NALF1: variants seen among roughly 807,000 people sequenced by gnomAD.
NALF1 encodes family with sequence similarity 155 member A.
In NALF1, 3 loss-of-function variants were observed where a neutral mutation model predicts 48.4. The observed-to-expected ratio is 0.06, with a 90% CI of 0.03 to 0.16. NALF1 has a LOEUF of 0.16. NALF1 is among the 10% of genes least tolerant of loss of function. The pLI is 1.00. For missense variants in NALF1, 526 were observed against 571.5 expected (o/e 0.92, Z 0.81); for synonymous variants, 262 against 245.7 (o/e 1.07, Z -0.62).
intron 1 of NALF1, among the ~76,000 whole-genome samples, chr13:107,405,431 C>T (rs1446398235): frequency 6.6e-6 from 1 of 151,974 alleles, no homozygotes; most frequent in Non-Finnish European, 1.5e-5. Flanking sequence ...AAGTCTAGTG[C>T]CTTGAAGTGG....
chr13:107,356,372 C>G (rs1262156154), intron 1 of NALF1, among the ~76,000 whole-genome samples: 2 of 151,982 alleles, frequency 1.3e-5, no homozygotes, highest in Non-Finnish European at 2.9e-5. Flanking sequence ...ATGTATATAA[C>G]AAAAGAGAAA....
chr13:107,764,122 T>C (rs1467243151), intron 1 of NALF1, among the ~76,000 whole-genome samples: 3 of 152,148 alleles, frequency 2.0e-5, no homozygotes. Context: ...GAAAACATTA[T>C]GGAAACTGGG....
At position 107,349,151 on chromosome 13, in the gene NALF1, A is replaced by G. The variant is rs78381843; in HGVS notation, c.916-138396T>C. Among the ~76,000 whole-genome samples, 514 of 152,326 alleles carry G rather than the reference A, an allele frequency of 3.4e-3. 2 individuals are homozygous for G. Among genetic ancestry groups the G allele is most frequent in the African/African-American group, 0.012 (497 of 41,570 alleles). On this transcript the variant is annotated intron_variant, in intron 1 of 2. Transcript: ENST00000375915. ...TCCTGGGGACATTCTCATTAGCCTGATTCTATCTTACATTTTCTAGCCTGT... is the reference window on the plus strand; with the variant it reads ...TCCTGGGGACATTCTCATTAGCCTGGTTCTATCTTACATTTTCTAGCCTGT...
At chr13:107,430,067 T>C (rs1265528450) in intron 1 of NALF1, among the ~76,000 whole-genome samples, 1 of 152,172 alleles carries the variant, frequency 6.6e-6, no homozygotes, top group African/African-American at 2.4e-5. Flanking sequence ...AAGAGAGATA[T>C]CCATTTCTGC....
At chr13:107,834,964 T>G (rs1369784918) in intron 1 of NALF1, among the ~76,000 whole-genome samples, 12 of 152,162 alleles carry the variant, frequency 7.9e-5, no homozygotes, top group Admixed American at 7.2e-4. Flanking sequence ...AGACACGTCA[T>G]AAATGACAGC....
chr13:107,690,308 G>C (rs1481029188), intron 1 of NALF1, among the ~76,000 whole-genome samples: 2 of 152,196 alleles, frequency 1.3e-5, no homozygotes, highest in Non-Finnish European at 1.5e-5. Context: ...AAGAAAAAGA[G>C]TTACAGTGTT....
rs753098474 is a variant in NALF1, at chr13:107,865,903, A to G, written c.694T>C (p.Trp232Arg). 4 of 1,613,928 alleles carry G rather than the reference A, an allele frequency of 2.5e-6. No individual in the cohort carries two copies. The highest frequency in any genetic ancestry group is 1.6e-4 in the Middle Eastern group (1 of 6,084). Residue 232 changes from tryptophan (W) to arginine (R), a missense_variant, in exon 1 of 3, where the codon TGG (tryptophan) becomes CGG (arginine). This residue lies in a region of NALF1 where 373 missense variants were observed against 355.5 expected (regional missense o/e 1.05). Coordinates refer to ENST00000375915, the MANE Select transcript of NALF1 (RefSeq NM_001080396.3). Reference sequence around the variant, plus strand: ...CTGGACAACCCCGAGAACAACTCCCAAAGTGTGTAGGAATTACAAAACGAA... The same window carrying G: ...CTGGACAACCCCGAGAACAACTCCCGAAGTGTGTAGGAATTACAAAACGAA... Reference protein sequence around the residue: ...YLSFCNSYTLWELFSGLSSPN... With the variant: ...YLSFCNSYTLRELFSGLSSPN...
intron 1 of NALF1, among the ~76,000 whole-genome samples, chr13:107,308,516 G>C (rs969548372): frequency 6.6e-6 from 1 of 152,082 alleles, no homozygotes; most frequent in African/African-American, 2.4e-5. Flanking sequence ...TTTAGTTCTT[G>C]AATGTCCATA....
intron 1 of NALF1, among the ~76,000 whole-genome samples, chr13:107,546,864 C>G (rs2139124983): frequency 6.6e-6 from 1 of 152,170 alleles, no homozygotes; most frequent in Admixed American, 6.5e-5. Flanking sequence ...TAATAAATGC[C>G]ATTTTATGGT....
At chr13:107,192,369 G>A (rs1407818351) in intron 2 of NALF1, among the ~76,000 whole-genome samples, 1 of 152,066 alleles carries the variant, frequency 6.6e-6, no homozygotes, top group African/African-American at 2.4e-5. Flanking sequence ...CAGACTCCCT[G>A]GAGAGTACTG....
intron 1 of NALF1, among the ~76,000 whole-genome samples, chr13:107,309,605 G>C (rs1882005850): frequency 6.6e-6 from 1 of 152,178 alleles, no homozygotes; most frequent in Non-Finnish European, 1.5e-5. Context: ...AGGTCGAGCT[G>C]AAGAACACAT....
chr13:107,683,223 G>T (rs749695885), intron 1 of NALF1, among the ~76,000 whole-genome samples: 1 of 152,260 alleles, frequency 6.6e-6, no homozygotes, highest in Admixed American at 6.5e-5. Flanking sequence ...ACTCCAGCCT[G>T]GGTGACAGAG....
chr13:107,846,746 T>G lies in NALF1; in HGVS notation c.915+18936A>C, dbSNP rs542236799. Among the ~76,000 whole-genome samples the G allele has an allele frequency of 5.9e-5, 9 of 152,340 alleles. No homozygotes were observed. In the East Asian group the frequency reaches 1.5e-3, roughly 26 times the overall value. ...CAGACTTCTATTCATAAAAGGCAGT[T>G]GTCCTAAAGTGCCTTCGTGTTTATT... On this transcript the variant is annotated intron_variant, in intron 1 of 2. Transcript: ENST00000375915.
At chr13:107,255,754 G>A (rs1182207007) in intron 1 of NALF1, among the ~76,000 whole-genome samples, 5 of 151,916 alleles carry the variant, frequency 3.3e-5, no homozygotes, top group Non-Finnish European at 5.9e-5. Context: ...AGGCAACTTG[G>A]GCACTGTTGA....
intron 1 of NALF1, among the ~76,000 whole-genome samples, chr13:107,402,067 C>G (rs1883818309): frequency 6.6e-6 from 1 of 151,560 alleles, no homozygotes; most frequent in South Asian, 2.1e-4. Flanking sequence ...CATGGGCTAG[C>G]CTAGCAAAGC....
At chr13:107,480,572 A>G (rs1156992068) in intron 1 of NALF1, among the ~76,000 whole-genome samples, 2 of 152,192 alleles carry the variant, frequency 1.3e-5, no homozygotes, top group Non-Finnish European at 2.9e-5. Context: ...CACTAATGAC[A>G]GCTGATGAGT....
intron 1 of NALF1, among the ~76,000 whole-genome samples, chr13:107,596,674 G>T (rs1303264531): frequency 6.6e-6 from 1 of 152,076 alleles, no homozygotes; most frequent in Non-Finnish European, 1.5e-5. Flanking sequence ...CCCTGTTGAG[G>T]GGGGTGGGGG....
intron 1 of NALF1, among the ~76,000 whole-genome samples, chr13:107,695,898 C>CTTTTT (rs10642452): frequency 6.8e-6 from 1 of 146,302 alleles, no homozygotes. Flanking sequence ...CATCTATATT[C>CTTTTT]TTTTTTTTTT....
At chr13:107,679,049 T>A (rs181266351) in intron 1 of NALF1, among the ~76,000 whole-genome samples, 62 of 152,326 alleles carry the variant, frequency 4.1e-4, no homozygotes, top group Non-Finnish European at 7.6e-4. Flanking sequence ...CTTTAAAGGA[T>A]TGTCAGCTGT....
Sources: gnomAD v4.1 joint callset for allele counts (sites outside exome capture counted in the v4.1 genomes callset) on GRCh38, gnomAD v4.1.1 for gene constraint, gnomAD v4.1.1 regional missense constraint, MANE v1.5 for transcripts, NCBI Gene and HGNC (gene_info 2026-07-23, HGNC 2026-07-21) for gene names.